The following ATRN variants were observed in gnomAD, a reference collection of about 807,000 sequenced individuals.
ATRN encodes attractin-2.
In ATRN, 54 loss-of-function variants were observed where a neutral mutation model predicts 178.7. The ratio of observed to expected loss-of-function variants is 0.30; its 90% CI spans 0.24 to 0.38. ATRN has a LOEUF of 0.38. Ranked by LOEUF, ATRN falls within the 10% of genes least tolerant of loss-of-function variation. The pLI, the probability that ATRN is intolerant of heterozygous loss-of-function variation, is 1.00. For synonymous variants in ATRN, 636 were observed against 663.0 expected (o/e 0.96, Z 0.63); for missense variants, 1,443 against 1,815.1 (o/e 0.79, Z 3.73).
At chr20:3,559,171 A>T (rs1356576079) in intron 6 of ATRN, among the ~76,000 whole-genome samples, 1 of 152,188 alleles carries the variant, frequency 6.6e-6, no homozygotes, top group Non-Finnish European at 1.5e-5. Context: ...GTAGCTTTGT[A>T]TTCCTTTCTT....
intron 1 of ATRN, among the ~76,000 whole-genome samples, chr20:3,498,713 C>A (rs2084914810): frequency 6.6e-6 from 1 of 151,882 alleles, no homozygotes; most frequent in Admixed American, 6.6e-5. Context: ...ATGACAAACC[C>A]ACAGCTAATA....
At chr20:3,618,107 C>T (rs1395849988) in intron 24 of ATRN, among the ~76,000 whole-genome samples, 1 of 152,294 alleles carries the variant, frequency 6.6e-6, no homozygotes, top group African/African-American at 2.4e-5. Flanking sequence ...ACAGGCACAT[C>T]GTCTCCCCAT....
intron 1 of ATRN, among the ~76,000 whole-genome samples, chr20:3,525,684 T>A (rs1330608822): frequency 2.0e-5 from 3 of 152,102 alleles, no homozygotes; most frequent in Admixed American, 6.5e-5. Context: ...CAGCAGCACA[T>A]CTAAAAGCTT....
intron 28 of ATRN, 94 bp from the exon 29 acceptor site, chr20:3,646,629 C>T: frequency 7.0e-7 from 1 of 1,433,002 alleles, no homozygotes; most frequent in Non-Finnish European, 9.2e-7. Context: ...TTGTTTTGCA[C>T]CATGGGATTG....
At chr20:3,481,217 T>A (rs564810379) in intron 1 of ATRN, among the ~76,000 whole-genome samples, 11 of 152,374 alleles carry the variant, frequency 7.2e-5, no homozygotes, top group African/African-American at 2.6e-4. Context: ...TCTTGCTTTT[T>A]TCCCACTTTT....
intron 1 of ATRN, among the ~76,000 whole-genome samples, chr20:3,473,925 G>A (rs2084472318): frequency 6.6e-6 from 1 of 152,170 alleles, no homozygotes; most frequent in South Asian, 2.1e-4. Context: ...TTGGAAAGGT[G>A]GGGGATGGTG....
At chr20:3,619,567 C>T (rs1247589061) in intron 24 of ATRN, among the ~76,000 whole-genome samples, 2 of 152,162 alleles carry the variant, frequency 1.3e-5, no homozygotes, top group Non-Finnish European at 2.9e-5. Context: ...GTGGATGGCA[C>T]ATAGTAGATG....
intron 1 of ATRN, among the ~76,000 whole-genome samples, chr20:3,489,367 C>G (rs2084748028): frequency 6.6e-6 from 1 of 152,198 alleles, no homozygotes; most frequent in Admixed American, 6.5e-5. Context: ...AAACACATCT[C>G]AGCCCTGCAA....
At chr20:3,490,434 A>G in intron 1 of ATRN, 1 of 927,530 alleles carries the variant, frequency 1.1e-6, no homozygotes, top group East Asian at 2.4e-5. Context: ...TATCTGTGTA[A>G]TCCTGAAGTT....
rs114591886 is a variant in ATRN, at chr20:3,492,232, A to G, written c.410+20715A>G. ...CCGTTCTCTGGGCAGGGAGGGGAAT[A>G]TGGTAGGAGCAAAAGCACAAGAGAG... On this transcript the variant is annotated intron_variant, in intron 1 of 28. Transcript: ENST00000262919. Among the ~76,000 whole-genome samples, 295 of 146,676 alleles carry G rather than the reference A, an allele frequency of 2.0e-3. 1 individual carries two copies. Among genetic ancestry groups the G allele is most frequent in the African/African-American group, 7.2e-3 (285 of 39,596 alleles).
intron 1 of ATRN, among the ~76,000 whole-genome samples, chr20:3,493,302 T>A (rs2084833138): frequency 6.7e-6 from 1 of 150,372 alleles, no homozygotes; most frequent in Non-Finnish European, 1.5e-5. Context: ...TGCAGGTGTG[T>A]GCCATACCAC....
chr20:3,604,319 A>G, intron 24 of ATRN, 57 bp downstream of exon 24: 12 of 1,494,722 alleles, frequency 8.0e-6, no homozygotes, highest in African/African-American at 1.4e-5. Flanking sequence ...CTTTAGTAAG[A>G]CTAAATTTAC....
At chr20:3,577,081 C>G (rs916553227) in intron 14 of ATRN, 84 bp downstream of exon 14, 7 of 1,516,444 alleles carry the variant, frequency 4.6e-6, no homozygotes, top group Non-Finnish European at 6.2e-6. Flanking sequence ...TAAGTTGAAC[C>G]TAGCAGAGGG....
At chr20:3,523,776 G>A (rs1334376214) in intron 1 of ATRN, among the ~76,000 whole-genome samples, 1 of 152,150 alleles carries the variant, frequency 6.6e-6, no homozygotes, top group African/African-American at 2.4e-5. Context: ...CATTCTTAAA[G>A]AAAAGAATTT....
Position 3,646,851 on chromosome 20 carries a change from T to C in ATRN, c.*4T>C. 6.2e-7 allele frequency: 1 copy of C among 1,613,266 alleles called. No individual in the cohort carries two copies. Among genetic ancestry groups the C allele is most frequent in the East Asian group, 2.2e-5 (1 of 44,870 alleles). ...ACAGCCTGGGACCTGCATCTGATGC[T>C]GGGGCCAGGGACTCTCCCACGCACG... is the stretch of plus-strand genomic sequence containing the variant. On this transcript the variant is annotated 3_prime_UTR_variant, in exon 29 of 29. Coordinates refer to ENST00000262919, the MANE Select transcript of ATRN (RefSeq NM_139321.3).
chr20:3,611,300 C>G (rs2086761462), intron 24 of ATRN, among the ~76,000 whole-genome samples: 1 of 152,106 alleles, frequency 6.6e-6, no homozygotes, highest in African/African-American at 2.4e-5. Context: ...TGGGAAAGCA[C>G]TTGAATCTAG....
rs759094877 is a variant in ATRN, at chr20:3,644,130, G to A, written c.4051-24G>A. ...ACATTAAAGCTTGAGTATCACTTAA[G>A]GTAATTTTGTTTTCTTCTGCCAGAC... On this transcript the variant is annotated intron_variant, in intron 27 of 28. Coordinates refer to ENST00000262919, the MANE Select transcript of ATRN (RefSeq NM_139321.3). The A allele has an allele frequency of 4.5e-5, 70 of 1,545,188 alleles. 1 individual carries two copies. The Middle Eastern group carries it at 8.3e-3, about 182-fold the overall frequency.
rs777193306 is a variant in ATRN, at chr20:3,578,554, T to G, written c.2354-28T>G. The G allele has an allele frequency of 3.2e-6, 5 of 1,566,162 alleles. No homozygotes were observed. In the African/African-American group the frequency reaches 6.8e-5, roughly 21 times the overall value. On this transcript the variant is annotated intron_variant, in intron 14 of 28. Coordinates refer to ENST00000262919, the MANE Select transcript of ATRN (RefSeq NM_139321.3). Reference sequence around the variant, plus strand: ...AGTTTTGTCTGATTTCTAAAATTCTTTTCTTTCTCTTTTCCCCTTAATGAA... The same window carrying G: ...AGTTTTGTCTGATTTCTAAAATTCTGTTCTTTCTCTTTTCCCCTTAATGAA...
chr20:3,584,911 G>A, intron 18 of ATRN, 31 bp downstream of exon 18: 1 of 1,579,346 alleles, frequency 6.3e-7, no homozygotes, highest in South Asian at 1.1e-5. Flanking sequence ...AAATTCAAGT[G>A]TTTCACTACT....
Sources: gnomAD v4.1 joint callset for allele counts (sites outside exome capture counted in the v4.1 genomes callset) on GRCh38, gnomAD v4.1.1 for gene constraint, MANE v1.5 for transcripts, NCBI Gene and HGNC (gene_info 2026-07-23, HGNC 2026-07-21) for gene names.